Variants in TTC7B observed in about 807,000 individuals in gnomAD.
TTC7B encodes the protein tetratricopeptide repeat protein 7B.
In TTC7B, 28 loss-of-function variants were observed where a neutral mutation model predicts 106.8. The ratio of observed to expected loss-of-function variants is 0.26; its 90% CI spans 0.19 to 0.36. The LOEUF is 0.36. Ranked by LOEUF, TTC7B falls within the 10% of genes least tolerant of loss-of-function variation. TTC7B has a pLI of 1.00. For synonymous variants in TTC7B, 405 were observed against 430.6 expected (o/e 0.94, Z 0.74); for missense variants, 862 against 1,076.4 (o/e 0.80, Z 2.79).
chr14:90,815,252 C>G (rs542973737), intron 1 of TTC7B, among the ~76,000 whole-genome samples: 1 of 152,234 alleles, frequency 6.6e-6, no homozygotes, highest in African/African-American at 2.4e-5. Context: ...AAAAGACAAG[C>G]AAATATTAAA....
intron 15 of TTC7B, among the ~76,000 whole-genome samples, chr14:90,621,171 C>T (rs10135489): frequency 0.024 from 3,674 of 150,922 alleles, 140 homozygotes; most frequent in African/African-American, 0.085. Context: ...CACATGGGTT[C>T]GGCTGGGACG....
chr14:90,599,020 G>A lies in TTC7B; in HGVS notation c.1967-5394C>T, dbSNP rs536765766. 6.6e-5 allele frequency among the ~76,000 whole-genome samples: 10 copies of A among 152,176 alleles called. No individual in the cohort carries two copies. In the East Asian group the frequency reaches 7.7e-4, roughly 12 times the overall value. ...AAAAAAATTAGCCGGGCCTGGTGGC[G>A]GGTGCCTGTAATCCCAGCTACTCGG... On this transcript the variant is annotated intron_variant, in intron 17 of 19. Transcript: ENST00000328459.
intron 19 of TTC7B, among the ~76,000 whole-genome samples, chr14:90,557,448 C>A (rs1442801339): frequency 1.3e-5 from 2 of 152,234 alleles, no homozygotes; most frequent in Admixed American, 1.3e-4. Context: ...TGATCTCCAG[C>A]TGAAAATTCT....
intron 3 of TTC7B, among the ~76,000 whole-genome samples, chr14:90,751,135 T>C (rs962926424): frequency 1.3e-5 from 2 of 152,210 alleles, no homozygotes; most frequent in African/African-American, 4.8e-5. Context: ...AAAACAGTGG[T>C]ATGACAGCAA....
Position 90,539,016 on chromosome 14 carries a change from T to C in TTC7B, c.*2352A>G, listed in dbSNP as rs938817060. 1.3e-5 allele frequency: 2 copies of C among 152,178 alleles called. No homozygotes were observed. The highest frequency in any genetic ancestry group is 2.9e-5 in the Non-Finnish European group (2 of 68,046). The allele number at this position is 152,178 out of a possible 1,614,324, so 9.4% of individuals were successfully genotyped here. Reference sequence around the variant, plus strand: ...ACCCAGCAGAAAGAGGCTTTTTTTCTAATGTTTTCATAACAAAAGTCCCAG... The same window carrying C: ...ACCCAGCAGAAAGAGGCTTTTTTTCCAATGTTTTCATAACAAAAGTCCCAG... On this transcript the variant is annotated 3_prime_UTR_variant, in exon 20 of 20. Transcript: ENST00000328459.
chr14:90,722,008 T>C (rs1888914658), intron 5 of TTC7B, among the ~76,000 whole-genome samples: 1 of 152,218 alleles, frequency 6.6e-6, no homozygotes, highest in Admixed American at 6.5e-5. Flanking sequence ...AACTGCACCA[T>C]CAGTTCAACT....
Position 90,657,038 on chromosome 14 carries a change from CGT to C in TTC7B, c.1341+134_1341+135del. ...AGGCCAGGGGCCCAGGCCCAGGGTC[CGT>C]GGCTCTACACAGTCTTGTCTTTGTA... On this transcript the variant is annotated intron_variant, in intron 11 of 19. Coordinates refer to ENST00000328459, the MANE Select transcript of TTC7B (RefSeq NM_001010854.2). The surrounding 1 kb of genome is among the most constrained non-coding windows in gnomAD (Gnocchi z 4.2). 1.4e-6 allele frequency: 1 copy of C among 734,284 alleles called. No individual in the cohort carries two copies. Among genetic ancestry groups the C allele is most frequent in the South Asian group, 1.9e-5 (1 of 53,928 alleles). The allele number at this position is 734,284 out of a possible 1,614,324, so 45.5% of individuals were successfully genotyped here. A position where few individuals can be genotyped will look rare whatever the true frequency, so the allele number is the denominator to read the frequency against.
intron 17 of TTC7B, among the ~76,000 whole-genome samples, chr14:90,603,090 G>T (rs1170883802): frequency 6.6e-6 from 1 of 152,222 alleles, no homozygotes; most frequent in African/African-American, 2.4e-5. Context: ...AGGATCTCAG[G>T]AGGGATGGGC....
chr14:90,765,240 T>A (rs184457216), intron 3 of TTC7B, among the ~76,000 whole-genome samples: 1 of 152,290 alleles, frequency 6.6e-6, no homozygotes, highest in Admixed American at 6.5e-5. Flanking sequence ...TATACAAAAT[T>A]TCTAGACTAG....
At chr14:90,695,127 T>A (rs1370753405) in intron 6 of TTC7B, among the ~76,000 whole-genome samples, 1 of 140,388 alleles carries the variant, frequency 7.1e-6, no homozygotes, top group African/African-American at 2.6e-5. Context: ...AGGTATATTT[T>A]ATATACATTT....
intron 19 of TTC7B, among the ~76,000 whole-genome samples, chr14:90,574,315 G>C (rs1381702668): frequency 1.3e-5 from 2 of 152,204 alleles, no homozygotes; most frequent in Non-Finnish European, 2.9e-5. Flanking sequence ...AGTCTGGTCA[G>C]TCTATGAATT....
chr14:90,750,133 C>A (rs1890094352), intron 3 of TTC7B, among the ~76,000 whole-genome samples: 1 of 152,144 alleles, frequency 6.6e-6, no homozygotes, highest in South Asian at 2.1e-4. Context: ...TACTCAAAAG[C>A]AAATCGCAGA....
intron 1 of TTC7B, among the ~76,000 whole-genome samples, chr14:90,793,595 T>G (rs568256603): frequency 7.0e-6 from 1 of 143,218 alleles, no homozygotes; most frequent in East Asian, 2.1e-4. Context: ...GTTTGTTTGT[T>G]TGTTTTTTTC....
rs1243594218 is a variant in TTC7B, at chr14:90,816,206, G to C, written c.90C>G (p.Val30=). 1.6e-6 allele frequency: 2 copies of C among 1,271,562 alleles called. No homozygotes were observed. The highest frequency in any genetic ancestry group is 2.3e-5 in the Admixed American group (1 of 43,686). 78.8% of individuals were successfully genotyped at this position (1,271,562 alleles called of 1,614,324 possible). Residue 30 remains valine, a synonymous_variant, in exon 1 of 20, where the codon GTC becomes GTG. Coordinates refer to ENST00000328459, the MANE Select transcript of TTC7B (RefSeq NM_001010854.2). ...CGATGAGCTTGGCCGACAGCTGCTTGACGAGCTCAGGGATCCGCTCCCACT... is the reference window on the plus strand; with the variant it reads ...CGATGAGCTTGGCCGACAGCTGCTTCACGAGCTCAGGGATCCGCTCCCACT... ...ECQWERIPEL[V]KQLSAKLIAN...
At chr14:90,558,454 T>C (rs1449885093) in intron 19 of TTC7B, among the ~76,000 whole-genome samples, 1 of 152,226 alleles carries the variant, frequency 6.6e-6, no homozygotes, top group Non-Finnish European at 1.5e-5. Context: ...CACACCGCTG[T>C]GTGACACAAA....
chr14:90,715,038 C>T (rs1888601349), intron 5 of TTC7B, among the ~76,000 whole-genome samples: 1 of 152,216 alleles, frequency 6.6e-6, no homozygotes, highest in African/African-American at 2.4e-5. Context: ...AAGGGCCTGA[C>T]TGCTCTGGCC....
In TTC7B at chr14:90,617,988, C is replaced by T. The variant is rs1293351866; in HGVS notation, c.1809G>A (p.Leu603=). ...TCTGCAGCATGTGCTTACAAGTCAG[C>T]AGTGCCTCGTCCGGGCCTCGGCAGA... ...QSLCRGPDEA[L]LTCKHMLQIW... The change falls in exon 16 of 20, where the codon CTG becomes CTA. Residue 603 remains leucine, a synonymous_variant. Coordinates refer to ENST00000328459, the MANE Select transcript of TTC7B (RefSeq NM_001010854.2). 3 of 1,613,980 alleles carry T rather than the reference C, an allele frequency of 1.9e-6. No individual in the cohort carries two copies. Among genetic ancestry groups the T allele is most frequent in the Non-Finnish European group, 2.5e-6 (3 of 1,179,852 alleles).
chr14:90,804,061 C>T (rs893147712), intron 1 of TTC7B, among the ~76,000 whole-genome samples: 2 of 152,210 alleles, frequency 1.3e-5, no homozygotes, highest in African/African-American at 2.4e-5. Flanking sequence ...TGTGGCCGGG[C>T]GTTGTGGCTC....
intron 17 of TTC7B, among the ~76,000 whole-genome samples, chr14:90,599,782 T>C (rs1214972845): frequency 1.3e-5 from 2 of 152,232 alleles, no homozygotes; most frequent in Non-Finnish European, 2.9e-5. Flanking sequence ...GACCCTGAAA[T>C]GATTCCAAAT....
Sources: gnomAD v4.1 joint callset for allele counts (sites outside exome capture counted in the v4.1 genomes callset) on GRCh38, gnomAD v4.1.1 for gene constraint, Gnocchi (gnomAD v3.1) non-coding constraint, MANE v1.5 for transcripts, NCBI Gene and HGNC (gene_info 2026-07-23, HGNC 2026-07-21) for gene names.